Variants in SLC4A4 observed in about 807,000 individuals in gnomAD.
SLC4A4 encodes the protein solute carrier family 4 member 4.
Under a neutral mutation model 111.5 loss-of-function variants are expected in SLC4A4, and 27 were observed. The ratio of observed to expected loss-of-function variants is 0.24; its 90% confidence interval spans 0.18 to 0.33. SLC4A4 has a LOEUF of 0.33. SLC4A4 is among the 10% of genes least tolerant of loss of function. The pLI is 1.00. For missense variants in SLC4A4, 909 were observed against 1,315.5 expected (o/e 0.69, Z 4.78); for synonymous variants, 443 against 463.4 (o/e 0.96, Z 0.57).
intron 20 of SLC4A4, among the ~76,000 whole-genome samples, chr4:71,552,589 G>A (rs1252198045): frequency 6.6e-6 from 1 of 151,886 alleles, no homozygotes; most frequent in Non-Finnish European, 1.5e-5. Flanking sequence ...AAAATTTGGT[G>A]ACATGGTCTG....
intron 24 of SLC4A4, among the ~76,000 whole-genome samples, chr4:71,566,560 C>T (rs958700793): frequency 2.0e-5 from 3 of 151,534 alleles, no homozygotes; most frequent in African/African-American, 7.3e-5. Flanking sequence ...TTCCTAATGT[C>T]ATGTTTATCT....
At chr4:71,128,452 C>T (rs2148960179) in intron 2 of SLC4A4, among the ~76,000 whole-genome samples, 1 of 152,158 alleles carries the variant, frequency 6.6e-6, no homozygotes, top group African/African-American at 2.4e-5. Context: ...ATATCAAAGA[C>T]CCTGTCTCAA....
intron 7 of SLC4A4, 21 bp downstream of exon 7, chr4:71,397,674 T>G (rs1719952234): frequency 6.3e-7 from 1 of 1,597,396 alleles, no homozygotes; most frequent in African/African-American, 1.3e-5. Context: ...AATTCTTGCT[T>G]CTTTGAAATG....
intron 20 of SLC4A4, among the ~76,000 whole-genome samples, chr4:71,553,841 C>G (rs1440039431): frequency 6.6e-6 from 1 of 151,862 alleles, no homozygotes; most frequent in African/African-American, 2.4e-5. Flanking sequence ...GCTTCCCCAG[C>G]AGGAACATCA....
Position 71,479,235 on chromosome 4 carries a change from A to G in SLC4A4, c.1903+6265A>G, listed in dbSNP as rs181223836. Among the ~76,000 whole-genome samples the G allele has an allele frequency of 8.6e-5, 13 of 151,846 alleles. No individual in the cohort carries two copies. The East Asian group carries it at 2.1e-3, about 25-fold the overall frequency. On this transcript the variant is annotated intron_variant, in intron 14 of 25. Transcript: ENST00000264485. ...AACCAAGTGCATCCCTGTCTATATT[A>G]TCTTCAAGTAATAGTTGGCTTTTTT...
chr4:71,123,674 T>C (rs1743490690), intron 2 of SLC4A4, among the ~76,000 whole-genome samples: 1 of 152,230 alleles, frequency 6.6e-6, no homozygotes, highest in Non-Finnish European at 1.5e-5. Context: ...TGGAATAGTG[T>C]GAAATGGTAT....
At chr4:71,538,378 C>T (rs1734755532) in intron 18 of SLC4A4, among the ~76,000 whole-genome samples, 1 of 152,094 alleles carries the variant, frequency 6.6e-6, no homozygotes, top group African/African-American at 2.4e-5. Context: ...AATAAGTTTT[C>T]ATCACCTTCA....
chr4:71,181,904 A>G (rs1275743362), intron 2 of SLC4A4, among the ~76,000 whole-genome samples: 1 of 152,094 alleles, frequency 6.6e-6, no homozygotes, highest in Non-Finnish European at 1.5e-5. Flanking sequence ...ATTTCTCACT[A>G]TGTCTTCCTT....
intron 12 of SLC4A4, 54 bp from the exon 13 acceptor site, chr4:71,466,390 A>G: frequency 6.2e-7 from 1 of 1,608,052 alleles, no homozygotes; most frequent in Non-Finnish European, 8.5e-7. Flanking sequence ...TGACATCACA[A>G]ATGAGAAGAA....
chr4:71,110,457 T>C (rs1487166586), intron 2 of SLC4A4, among the ~76,000 whole-genome samples: 1 of 152,114 alleles, frequency 6.6e-6, no homozygotes, highest in Non-Finnish European at 1.5e-5. Flanking sequence ...CCACCCACCA[T>C]GGTCTCCCAA....
At chr4:71,200,348 ATTATC>A (rs1746190708) in intron 1 of SLC4A4, among the ~76,000 whole-genome samples, 1 of 152,218 alleles carries the variant, frequency 6.6e-6, no homozygotes, top group African/African-American at 2.4e-5. Flanking sequence ...ATTGTCTAAA[ATTATC>A]TTAAGATATT....
chr4:71,298,580 G>T (rs1351583873), intron 3 of SLC4A4, among the ~76,000 whole-genome samples: 1 of 152,180 alleles, frequency 6.6e-6, no homozygotes, highest in East Asian at 1.9e-4. Flanking sequence ...GAGAAATTAT[G>T]TAGCTCTTCT....
At chr4:71,107,189 C>T (rs887362345) in intron 2 of SLC4A4, among the ~76,000 whole-genome samples, 1 of 152,074 alleles carries the variant, frequency 6.6e-6, no homozygotes, top group African/African-American at 2.4e-5. Context: ...TTCATTCTGC[C>T]AATCTCTGTC....
chr4:71,341,963 A>G (rs1303332490), intron 4 of SLC4A4, among the ~76,000 whole-genome samples: 1 of 152,206 alleles, frequency 6.6e-6, no homozygotes, highest in Non-Finnish European at 1.5e-5. Context: ...TTAGGGAAAG[A>G]GACCTAATTT....
chr4:71,106,759 T>A (rs1185636185), intron 2 of SLC4A4, among the ~76,000 whole-genome samples: 4 of 122,720 alleles, frequency 3.3e-5, no homozygotes, highest in Non-Finnish European at 6.7e-5. Context: ...AACATCACAC[T>A]CTGGGGACTG....
At chr4:71,111,843 C>G (rs1291149658) in intron 2 of SLC4A4, among the ~76,000 whole-genome samples, 1 of 151,040 alleles carries the variant, frequency 6.6e-6, no homozygotes, top group Non-Finnish European at 1.5e-5. Context: ...ATCACAGGCA[C>G]GTGCCACCAC....
At position 71,444,484 on chromosome 4, in the gene SLC4A4, C is replaced by T. The variant is rs552996918; in HGVS notation, c.966-3162C>T. Among the ~76,000 whole-genome samples, 3 of 151,978 alleles carry T rather than the reference C, an allele frequency of 2.0e-5. No individual in the cohort carries two copies. The East Asian group carries it at 5.8e-4, about 29-fold the overall frequency. ...TTAATGCTTTTTTTTTCCAAGCTGT[C>T]AAAGTAGGCTGTGCCCTTGCAGCCA... On this transcript the variant is annotated intron_variant, in intron 8 of 25. Coordinates refer to ENST00000264485, the MANE Select transcript of SLC4A4 (RefSeq NM_001098484.3).
rs1263930236 is a variant in SLC4A4 at position 71,400,271 on chromosome 4, T to C, written c.807+2618T>C. On this transcript the variant is annotated intron_variant, in intron 7 of 25. Transcript: ENST00000264485. ...CTGGGCATATGCAGAAGAAATCTGA[T>C]GGCTTAAGATGCATATTACATAAAA... Among the ~76,000 whole-genome samples the C allele has an allele frequency of 2.0e-5, 3 of 152,324 alleles. No homozygotes were observed. In the East Asian group the frequency reaches 5.8e-4, roughly 29 times the overall value.
intron 2 of SLC4A4, among the ~76,000 whole-genome samples, chr4:71,113,884 G>T (rs1364839819): frequency 6.6e-6 from 1 of 152,150 alleles, no homozygotes; most frequent in East Asian, 1.9e-4. Flanking sequence ...CTTTATGGGA[G>T]ATATCTTTCT....
Sources: allele counts gnomAD v4.1 joint callset (sites outside exome capture counted in the v4.1 genomes callset), GRCh38; gene constraint gnomAD v4.1.1; transcripts MANE v1.5; gene names NCBI Gene and HGNC (gene_info 2026-07-23, HGNC 2026-07-21).